APC: variants seen among roughly 807,000 people sequenced by gnomAD.
APC encodes the protein adenomatous polyposis coli protein.
In APC, 72 loss-of-function variants were observed where a neutral mutation model predicts 247.0. The observed-to-expected ratio is 0.29, with a 90% CI of 0.24 to 0.35. The LOEUF is 0.35. Ranked by LOEUF, APC falls within the 10% of genes least tolerant of loss-of-function variation. The pLI, the probability that APC is intolerant of heterozygous loss-of-function variation, is 1.00. For missense variants in APC, 3,400 were observed against 3,360.7 expected (o/e 1.01, Z -0.29); for synonymous variants, 1,254 against 1,162.5 (o/e 1.08, Z -1.60).
chr5:112,832,933 A>T (rs1764448455), intron 14 of APC, among the ~76,000 whole-genome samples: 1 of 152,156 alleles, frequency 6.6e-6, no homozygotes, highest in Non-Finnish European at 1.5e-5. Flanking sequence ...TCATTGCAAT[A>T]GGCACAGAGT....
chr5:112,799,033 A>G (rs1760502459), intron 7 of APC, among the ~76,000 whole-genome samples: 1 of 151,972 alleles, frequency 6.6e-6, no homozygotes, highest in Admixed American at 6.6e-5. Context: ...AACATGGTGA[A>G]ACCCTGTCTC....
rs1581005947 is a variant in APC, at chr5:112,711,739, A to T, written c.165+3857A>T. Among the ~76,000 whole-genome samples the T allele has an allele frequency of 2.0e-5, 3 of 152,290 alleles. No individual in the cohort carries two copies. In the South Asian group the frequency reaches 6.2e-4, roughly 32 times the overall value. On this transcript the variant is annotated intron_variant, in intron 1 of 13. Transcript: ENST00000507379. ...CCATCTCAAAAAAACAAAAAAACCC[A>T]AAGAGATGTTTTGGCTCTTGCAATT...
intron 2 of APC, among the ~76,000 whole-genome samples, chr5:112,759,781 C>T (rs571061056): frequency 5.9e-5 from 9 of 152,272 alleles, no homozygotes; most frequent in African/African-American, 2.2e-4. Context: ...ATATTCTCTC[C>T]TTCAAAATTA....
intron 1 of APC, among the ~76,000 whole-genome samples, chr5:112,740,826 T>A (rs1349755426): frequency 6.6e-6 from 1 of 152,180 alleles, no homozygotes; most frequent in African/African-American, 2.4e-5. Flanking sequence ...CATGAAGTTT[T>A]TCCATTTGCA....
At chr5:112,836,274 G>A (rs1231180375) in intron 15 of APC, among the ~76,000 whole-genome samples, 3 of 149,238 alleles carry the variant, frequency 2.0e-5, no homozygotes, top group Admixed American at 1.3e-4. Flanking sequence ...TAGGTGATCC[G>A]CCCACCTCGG....
chr5:112,755,803 A>T, intron 2 of APC, among the ~76,000 whole-genome samples: 1 of 152,184 alleles, frequency 6.6e-6, no homozygotes, highest in Non-Finnish European at 1.5e-5. Context: ...ATAGAATTGG[A>T]CATTATCAAC....
At chr5:112,750,434 G>A (rs933052900) in intron 1 of APC, among the ~76,000 whole-genome samples, 17 of 151,880 alleles carry the variant, frequency 1.1e-4, no homozygotes, top group Non-Finnish European at 2.1e-4. Flanking sequence ...GGGACCACAT[G>A]AGGCATTAGT....
At chr5:112,789,909 G>T (rs528129058) in intron 6 of APC, among the ~76,000 whole-genome samples, 1 of 151,190 alleles carries the variant, frequency 6.6e-6, no homozygotes, top group South Asian at 2.1e-4. Context: ...CTCCCAGGCT[G>T]GAGGGCAGTG....
At chr5:112,795,733 A>G (rs756119599) in intron 7 of APC, among the ~76,000 whole-genome samples, 8 of 152,212 alleles carry the variant, frequency 5.3e-5, no homozygotes, top group Admixed American at 6.5e-5. Context: ...TAGATAGGCA[A>G]AGTGTCAAAT....
At chr5:112,812,760 A>G (rs554527788) in intron 8 of APC, among the ~76,000 whole-genome samples, 70 of 152,274 alleles carry the variant, frequency 4.6e-4, no homozygotes, top group African/African-American at 1.6e-3. Context: ...GTGGGTGAGA[A>G]TGTCTTATTC....
At chr5:112,735,581 A>G (rs1478132787), upstream of APC, among the ~76,000 whole-genome samples, 1 of 151,892 alleles carries the variant, frequency 6.6e-6, no homozygotes, top group Non-Finnish European at 1.5e-5. Context: ...ATTCTGAGCT[A>G]TGTGCAAACT....
intron 1 of APC, among the ~76,000 whole-genome samples, chr5:112,731,470 T>C (rs1752095555): frequency 6.6e-6 from 1 of 152,134 alleles, no homozygotes; most frequent in South Asian, 2.1e-4. Flanking sequence ...AGGGATCAAA[T>C]TTGTAGCCTC....
rs2431242 is a variant in APC, at chr5:112,782,498, G to A, written c.645+1595G>A. 0.53 allele frequency among the ~76,000 whole-genome samples: 81,035 copies of A among 151,900 alleles called. 22,338 individuals carry two copies. Among genetic ancestry groups the A allele is most frequent in the East Asian group, 0.88 (4,564 of 5,184 alleles). On this transcript the variant is annotated intron_variant, in intron 6 of 15. Transcript: ENST00000257430. Reference sequence around the variant, plus strand: ...ATAGTCCATACATGTTAGTTTCATAGTGAAGGTTAAGATCATAATGAGGTT... The same window carrying A: ...ATAGTCCATACATGTTAGTTTCATAATGAAGGTTAAGATCATAATGAGGTT...
chr5:112,810,242 GGA>G, intron 8 of APC: 1 of 422,440 alleles, frequency 2.4e-6, no homozygotes, highest in South Asian at 1.7e-5. Context: ...ACATCTAAAG[GGA>G]TGGACCTTAG....
At chr5:112,771,886 C>T (rs945740285) in intron 4 of APC, among the ~76,000 whole-genome samples, 2 of 152,118 alleles carry the variant, frequency 1.3e-5, no homozygotes, top group African/African-American at 4.8e-5. Context: ...TAAGCCAGGA[C>T]TTAAACCCAG....
rs571654532 is a variant in APC, at chr5:112,801,864, A to G, written c.834+481A>G. Among the ~76,000 whole-genome samples the G allele has an allele frequency of 2.0e-5, 3 of 152,268 alleles. No individual in the cohort carries two copies. The South Asian group carries it at 6.2e-4, about 32-fold the overall frequency. On this transcript the variant is annotated intron_variant, in intron 8 of 15. Transcript: ENST00000257430. ...AAAGATAATTGTAATGCACACAAAA[A>G]AGTAAGGCAACATGGCCTAATTATG...
chr5:112,825,924 C>A (rs1474183860), intron 11 of APC, among the ~76,000 whole-genome samples: 1 of 152,140 alleles, frequency 6.6e-6, no homozygotes. Flanking sequence ...GCCACTGTTG[C>A]AGGTGAATGG....
rs376192990 is a variant in APC, at chr5:112,715,140, G to C, written c.165+7258G>C. 4.6e-5 allele frequency among the ~76,000 whole-genome samples: 7 copies of C among 152,180 alleles called. No homozygotes were observed. The East Asian group carries it at 1.2e-3, about 25-fold the overall frequency. On this transcript the variant is annotated intron_variant, in intron 1 of 13. Coordinates refer to the APC transcript ENST00000507379. ...TAATAGAGTATGAATTCGTTTGAAA[G>C]CGTTACTGAATTCTACTTGTGTTTT... is the stretch of plus-strand genomic sequence containing the variant.
intron 6 of APC, among the ~76,000 whole-genome samples, chr5:112,782,439 G>A (rs1422135159): frequency 6.6e-6 from 1 of 152,070 alleles, no homozygotes; most frequent in Non-Finnish European, 1.5e-5. Context: ...GAAGGCTAAG[G>A]TGCTACTAAA....
Sources: allele counts gnomAD v4.1 joint callset (sites outside exome capture counted in the v4.1 genomes callset), GRCh38; gene constraint gnomAD v4.1.1; transcripts MANE v1.5; gene names NCBI Gene and HGNC (gene_info 2026-07-23, HGNC 2026-07-21).